USP4: variants seen among roughly 807,000 people sequenced by gnomAD.
The protein encoded by USP4 is ubiquitin specific peptidase 4.
In USP4, 72 loss-of-function variants were observed where a neutral mutation model predicts 118.2. The observed-to-expected ratio is 0.61, with a 90% confidence interval of 0.50 to 0.74. The LOEUF is 0.74. Ranked by LOEUF, USP4 falls within the 30% of genes least tolerant of loss-of-function variation. The pLI, the probability that USP4 is intolerant of heterozygous loss-of-function variation, is 0.00. For synonymous variants in USP4, 415 were observed against 440.4 expected (o/e 0.94, Z 0.72); for missense variants, 1,037 against 1,185.7 (o/e 0.87, Z 1.84).
intron 15 of USP4, among the ~76,000 whole-genome samples, chr3:49,288,740 T>C (rs1188558380): frequency 1.3e-5 from 2 of 151,914 alleles, no homozygotes; most frequent in Non-Finnish European, 2.9e-5. Flanking sequence ...CCAAAGTCAC[T>C]CAGAAAATCA....
In USP4 at chr3:49,311,594, A is replaced by C; in HGVS notation, c.756T>G (p.Tyr252Ter). The change falls in exon 7 of 22, where the codon TAT becomes TAG. Residue 252 changes from tyrosine (Y) to a stop codon, truncating the protein, a stop_gained. Transcript: ENST00000265560. LOFTEE classifies it high-confidence loss of function. ...TTSPKSSASP[Y>*]SSVSASLIAN... ...CAATGAGAGAGGCAGACACTGAGGA[A>C]TAGGGACTTGCTGATGATTTTGGAG... is the stretch of plus-strand genomic sequence containing the variant. 1 of 1,614,018 alleles carries C rather than the reference A, an allele frequency of 6.2e-7. No individual in the cohort carries two copies. The highest frequency in any genetic ancestry group is 8.5e-7 in the Non-Finnish European group (1 of 1,179,936).
intron 15 of USP4, 77 bp downstream of exon 15, chr3:49,292,433 G>T: frequency 9.9e-7 from 1 of 1,012,632 alleles, no homozygotes; most frequent in Non-Finnish European, 1.4e-6. Context: ...TCTCCCATGT[G>T]TGTAACACCT....
At chr3:49,323,271 TAAAAAAA>T (rs1173500243) in intron 6 of USP4, among the ~76,000 whole-genome samples, 16 of 101,230 alleles carry the variant, frequency 1.6e-4, no homozygotes, top group Non-Finnish European at 2.0e-4. Context: ...CTGGCCTTTT[TAAAAAAA>T]AAAAAAAAAA....
At chr3:49,293,443 CAG>C (rs2047171457) in intron 14 of USP4, 1 of 148,108 alleles carries the variant, frequency 6.8e-6, no homozygotes, top group African/African-American at 2.5e-5. Context: ...GCCTGGGCAA[CAG>C]AGTGAAACTC....
At chr3:49,284,222 C>T (rs2047070074) in intron 18 of USP4, 86 bp from the exon 19 acceptor site, 18 of 1,534,928 alleles carry the variant, frequency 1.2e-5, no homozygotes, top group Non-Finnish European at 1.5e-5. Flanking sequence ...GCTGCAGTCC[C>T]CTGATAGCTG....
At chr3:49,338,203 C>T (rs905439171) in intron 1 of USP4, among the ~76,000 whole-genome samples, 1 of 152,022 alleles carries the variant, frequency 6.6e-6, no homozygotes, top group African/African-American at 2.4e-5. Context: ...TCCCAGAGGT[C>T]ACAAGGATCC....
chr3:49,302,935 C>G (rs1182898455), intron 9 of USP4, among the ~76,000 whole-genome samples: 1 of 152,208 alleles, frequency 6.6e-6, no homozygotes. Flanking sequence ...CTGTACATAA[C>G]AGCCCTCAGG....
At chr3:49,289,196 G>A (rs1477713427) in intron 15 of USP4, among the ~76,000 whole-genome samples, 1 of 152,206 alleles carries the variant, frequency 6.6e-6, no homozygotes, top group Middle Eastern at 3.2e-3. Context: ...GACACTCATT[G>A]TCCCGGACAT....
At chr3:49,298,182 G>C (rs1204065650) in intron 12 of USP4, among the ~76,000 whole-genome samples, 1 of 152,196 alleles carries the variant, frequency 6.6e-6, no homozygotes, top group African/African-American at 2.4e-5. Context: ...ATCTGCCCTC[G>C]ACTGGCAGGA....
rs780755669 is a variant in USP4 at position 49,311,635 on chromosome 3, T to C, written c.715A>G (p.Arg239Gly). The C allele has an allele frequency of 5.0e-6, 8 of 1,613,916 alleles. No homozygotes were observed. In the South Asian group the frequency reaches 8.8e-5, roughly 18 times the overall value. Residue 239 changes from arginine (R) to glycine (G), a missense_variant, in exon 7 of 22, where the codon AGA becomes GGA. Transcript: ENST00000265560. ...GATTTTGGAGAGGTAGTAAAATTTC[T>C]GCTAGGCGCAGTGCTTGATCTGGGA... ...LQSKSSTAPS[R>G]NFTTSPKSSA...
Position 49,286,231 on chromosome 3 carries a change from G to A in USP4, c.2067C>T (p.Pro689=), listed in dbSNP as rs139138506. The A allele has an allele frequency of 3.1e-4, 499 of 1,614,104 alleles. 2 individuals are homozygous for A. In the African/African-American group the frequency reaches 4.2e-3, roughly 14 times the overall value. The change falls in exon 16 of 22, where the codon CCC becomes CCT. Residue 689 remains proline, a synonymous_variant. Coordinates refer to ENST00000265560, the MANE Select transcript of USP4 (RefSeq NM_003363.4). ...GSGEDEPGND[P]SETTQKKIKG... is the part of the protein sequence containing the mutation. ...TGATCTTCTTTTGGGTGGTCTCACTGGGGTCATTTCCTGGCTCATCTTCCC... is the reference window on the plus strand; with the variant it reads ...TGATCTTCTTTTGGGTGGTCTCACTAGGGTCATTTCCTGGCTCATCTTCCC...
At chr3:49,309,710 TC>T (rs1370885818) in intron 8 of USP4, among the ~76,000 whole-genome samples, 1 of 128,938 alleles carries the variant, frequency 7.8e-6, no homozygotes, top group Non-Finnish European at 1.6e-5. Context: ...CACTGCAACC[TC>T]CGTCTCCTGG....
At chr3:49,339,829 C>G in intron 1 of USP4, 95 bp downstream of exon 1, 2 of 995,522 alleles carry the variant, frequency 2.0e-6, no homozygotes, top group Non-Finnish European at 3.0e-6. Flanking sequence ...CACTACATAC[C>G]ATCCCCGCCC....
rs148545876 is a variant in USP4 at position 49,297,872 on chromosome 3, G to A, written c.1689C>T (p.Phe563=). Residue 563 remains phenylalanine, a splice_region_variant and synonymous_variant, in exon 13 of 22, where the codon TTC becomes TTT. Coordinates refer to ENST00000265560, the MANE Select transcript of USP4 (RefSeq NM_003363.4). ...LNHIMPRDDI[F]VYEVCSTSVD... ...AGCAGAAACTGCTGAGTACTCACACGAAAATGTCATCCCGAGGCATGATGT... is the reference window on the plus strand; with the variant it reads ...AGCAGAAACTGCTGAGTACTCACACAAAAATGTCATCCCGAGGCATGATGT... 1.7e-5 allele frequency: 28 copies of A among 1,613,490 alleles called. No homozygotes were observed. In the African/African-American group the frequency reaches 1.9e-4, roughly 11 times the overall value.
chr3:49,307,660 T>C (rs2047333135), intron 8 of USP4, among the ~76,000 whole-genome samples: 3 of 151,898 alleles, frequency 2.0e-5, no homozygotes. Flanking sequence ...TAAAGAATAT[T>C]GGGCCAAGTG....
At chr3:49,289,931 C>T (rs2047135326) in intron 15 of USP4, among the ~76,000 whole-genome samples, 1 of 151,850 alleles carries the variant, frequency 6.6e-6, no homozygotes, top group South Asian at 2.1e-4. Flanking sequence ...CATGGGAAAA[C>T]CTTGCTTGTC....
intron 13 of USP4, among the ~76,000 whole-genome samples, chr3:49,296,805 C>T (rs1347877836): frequency 6.6e-6 from 1 of 152,226 alleles, no homozygotes; most frequent in Non-Finnish European, 1.5e-5. Context: ...CTAAGCTCCC[C>T]ACAGGGTAAT....
intron 14 of USP4, 147 bp from the exon 15 acceptor site, chr3:49,292,745 A>C (rs544463113): frequency 1.7e-6 from 1 of 581,648 alleles, no homozygotes; most frequent in East Asian, 3.3e-5. Context: ...AGTGCTTTAG[A>C]ATTATCCACT....
chr3:49,279,472 A>T (rs2046994821), intron 20 of USP4, among the ~76,000 whole-genome samples: 1 of 152,172 alleles, frequency 6.6e-6, no homozygotes, highest in African/African-American at 2.4e-5. Context: ...TCTTTCTCTA[A>T]AACTAGGAGT....
Sources: gnomAD v4.1 joint callset for allele counts (sites outside exome capture counted in the v4.1 genomes callset) on GRCh38, gnomAD v4.1.1 for gene constraint, MANE v1.5 for transcripts, NCBI Gene and HGNC (gene_info 2026-07-23, HGNC 2026-07-21) for gene names.